The following ECT2 variants were observed in gnomAD, a reference collection of about 807,000 sequenced individuals.
ECT2 encodes the protein epithelial cell transforming 2.
ECT2 carries 61 observed loss-of-function variants against 116.9 expected under a neutral mutation model. The observed-to-expected ratio is 0.52, with a 90% CI of 0.42 to 0.65. The LOEUF is 0.65. ECT2 is among the 30% of genes least tolerant of loss of function. ECT2 has a pLI of 0.00. For synonymous variants in ECT2, 358 were observed against 346.4 expected, an observed-to-expected ratio of 1.03 and a Z score of -0.37; for missense variants, 937 against 1,078.7, an observed-to-expected ratio of 0.87 and a Z score of 1.84.
chr3:172,774,174 C>T, intron 14 of ECT2, 152 bp downstream of exon 14: 1 of 740,630 alleles, frequency 1.4e-6, no homozygotes, highest in South Asian at 1.9e-5. Flanking sequence ...TCTCTTTGTT[C>T]CAGTGCCTCA....
At chr3:172,823,498 T>C (rs1357395029), downstream of ECT2, among the ~76,000 whole-genome samples, 15 of 152,176 alleles carry the variant, frequency 9.9e-5, no homozygotes, top group Non-Finnish European at 2.9e-5. Flanking sequence ...CTCTTACGTA[T>C]GTCTGTTGTG....
chr3:172,822,890 C>G (rs1271411200), downstream of ECT2, among the ~76,000 whole-genome samples: 3 of 151,854 alleles, frequency 2.0e-5, no homozygotes, highest in East Asian at 5.8e-4. Flanking sequence ...ACATGAATAT[C>G]CAACAACCTA....
intron 14 of ECT2, among the ~76,000 whole-genome samples, chr3:172,777,180 G>T (rs1721891433): frequency 6.6e-6 from 1 of 152,134 alleles, no homozygotes; most frequent in Non-Finnish European, 1.5e-5. Context: ...AAGCAGATTT[G>T]ATTGAGTTTG....
At chr3:172,782,506 T>G (rs1455385685) in intron 15 of ECT2, among the ~76,000 whole-genome samples, 1 of 152,196 alleles carries the variant, frequency 6.6e-6, no homozygotes, top group Non-Finnish European at 1.5e-5. Flanking sequence ...CTTTCATAAA[T>G]GGCCACAGAT....
At chr3:172,755,614 T>G in intron 4 of ECT2, 39 bp downstream of exon 4, 1 of 1,046,350 alleles carries the variant, frequency 9.6e-7, no homozygotes, top group South Asian at 1.6e-5. Flanking sequence ...CATGCTGCAC[T>G]TCCCTTGATT....
chr3:172,796,670 AATTC>A (rs1480007307), intron 18 of ECT2: 3 of 152,066 alleles, frequency 2.0e-5, no homozygotes, highest in African/African-American at 7.2e-5. Flanking sequence ...TTAATTAATT[AATTC>A]ATTTATTTAT....
chr3:172,792,935 G>A (rs757221845), intron 18 of ECT2, among the ~76,000 whole-genome samples: 11 of 152,012 alleles, frequency 7.2e-5, no homozygotes, highest in Non-Finnish European at 1.5e-4. Flanking sequence ...GTCCAGGCTG[G>A]TCTCAAACTC....
chr3:172,772,056 T>C lies in ECT2; in HGVS notation c.1429-1847T>C, dbSNP rs546206202. Among the ~76,000 whole-genome samples the C allele has an allele frequency of 9.9e-5, 15 of 151,138 alleles. 1 individual carries two copies. The South Asian group carries it at 3.2e-3, about 32-fold the overall frequency. On this transcript the variant is annotated intron_variant, in intron 13 of 24. Transcript: ENST00000392692. The stretch of plus-strand genomic sequence containing the variant: ...TGTTGCCCAGGCTGGAGTGCAGTGG[T>C]GCAATCTTGATTTGGCTCACTGCAG...
intron 21 of ECT2, among the ~76,000 whole-genome samples, chr3:172,806,619 A>G (rs1183001947): frequency 9.5e-5 from 9 of 95,000 alleles, no homozygotes; most frequent in African/African-American, 3.8e-4. Flanking sequence ...TTTTTCCTTT[A>G]TAAGAAATGA....
At chr3:172,826,414 C>G (rs1179999861), downstream of ECT2, among the ~76,000 whole-genome samples, 1 of 152,210 alleles carries the variant, frequency 6.6e-6, no homozygotes, top group Non-Finnish European at 1.5e-5. Context: ...CTTTTTATAG[C>G]ATGGTTGACT....
At chr3:172,817,216 T>TTCTCCCCTCC (rs1466829116) in intron 24 of ECT2, among the ~76,000 whole-genome samples, 1 of 150,966 alleles carries the variant, frequency 6.6e-6, no homozygotes, top group Non-Finnish European at 1.5e-5. Flanking sequence ...GGGAGAGGAG[T>TTCTCCCCTCC]TCTCCCCTAG....
chr3:172,761,635 T>C lies in ECT2; in HGVS notation c.710T>C (p.Ile237Thr). ...FRVAVSLGTP[I>T]MKPEWIYKAW... ...GTTGCTGTGAGTCTAGGTACTCCAA[T>C]TATGAAGCCAGAATGGATTTATAAA... The change falls in exon 8 of 25, where the codon ATT becomes ACT. Residue 237 changes from isoleucine (I) to threonine (T), a missense_variant. Coordinates refer to ENST00000392692, the MANE Select transcript of ECT2 (RefSeq NM_001258315.2). The C allele has an allele frequency of 1.2e-6, 2 of 1,611,528 alleles. No homozygotes were observed. The highest frequency in any genetic ancestry group is 1.7e-6 in the Non-Finnish European group (2 of 1,178,382).
chr3:172,789,866 C>T (rs1253639809), intron 18 of ECT2, among the ~76,000 whole-genome samples: 2 of 152,228 alleles, frequency 1.3e-5, no homozygotes, highest in South Asian at 2.1e-4. Flanking sequence ...TTGTAGTCCA[C>T]TTGCCATTTC....
intron 13 of ECT2, among the ~76,000 whole-genome samples, chr3:172,771,079 A>T (rs1199816206): frequency 6.6e-6 from 1 of 152,194 alleles, no homozygotes; most frequent in African/African-American, 2.4e-5. Flanking sequence ...TTCACAGTTT[A>T]TTTAATAGCA....
chr3:172,792,336 A>T (rs562671910), intron 18 of ECT2, among the ~76,000 whole-genome samples: 1 of 152,236 alleles, frequency 6.6e-6, no homozygotes. Flanking sequence ...TGAAACAACA[A>T]CAGCAACAAC....
At chr3:172,764,573 C>T (rs1473435449) in intron 12 of ECT2, 73 bp downstream of exon 12, 4 of 1,352,396 alleles carry the variant, frequency 3.0e-6, no homozygotes, top group Non-Finnish European at 4.2e-6. Flanking sequence ...TAGATAAATC[C>T]CTGATATAGT....
intron 18 of ECT2, among the ~76,000 whole-genome samples, chr3:172,799,285 C>G (rs1402663105): frequency 1.3e-5 from 2 of 152,064 alleles, no homozygotes; most frequent in African/African-American, 4.8e-5. Flanking sequence ...AAGTCTTGTG[C>G]CTGATGCATG....
chr3:172,778,133 G>T (rs1261584905), intron 14 of ECT2, among the ~76,000 whole-genome samples: 1 of 152,150 alleles, frequency 6.6e-6, no homozygotes, highest in East Asian at 1.9e-4. Flanking sequence ...TAACAAGGAA[G>T]AAAAGAAGTA....
intron 1 of ECT2, among the ~76,000 whole-genome samples, chr3:172,753,366 G>C (rs1403497753): frequency 6.6e-6 from 1 of 152,120 alleles, no homozygotes; most frequent in African/African-American, 2.4e-5. Context: ...CCAAAGTGCT[G>C]GGATTTCAGA....
Sources: gnomAD v4.1 joint callset for allele counts (sites outside exome capture counted in the v4.1 genomes callset) on GRCh38, gnomAD v4.1.1 for gene constraint, MANE v1.5 for transcripts, NCBI Gene and HGNC (gene_info 2026-07-23, HGNC 2026-07-21) for gene names.